FDPS: variants seen among roughly 807,000 people sequenced by gnomAD.
FDPS encodes the protein farnesyl diphosphate synthase, also known as farnesyl pyrophosphate synthase.
FDPS carries 29 observed loss-of-function variants against 49.5 expected under a neutral mutation model. The observed-to-expected ratio is 0.59, with a 90% CI of 0.44 to 0.80. The LOEUF is 0.80. Among genes scored for constraint, FDPS ranks in the 30% least tolerant of loss-of-function variants. The pLI, the probability that FDPS is intolerant of heterozygous loss-of-function variation, is 0.00. For missense variants in FDPS, 414 were observed against 525.6 expected, an observed-to-expected ratio of 0.79 and a Z score of 2.08; for synonymous variants, 172 against 206.4, an observed-to-expected ratio of 0.83 and a Z score of 1.43.
rs569029572 is a variant in FDPS at position 155,311,975 on chromosome 1, A to AAAAT, written c.340-256_340-253dup. ...TAACAGAGAGAGAATTCATCTCAAAAAAATAAATAAATAAATAAATAAATA... is the reference window on the plus strand; with the variant it reads ...TAACAGAGAGAGAATTCATCTCAAAAAAATAAATAAATAAATAAATAAATAAATA... On this transcript the variant is annotated intron_variant, in intron 3 of 10. Coordinates refer to ENST00000368356, the MANE Select transcript of FDPS (RefSeq NM_002004.4). Among the ~76,000 whole-genome samples, 1,109 of 152,028 alleles carry AAAAT rather than the reference A, an allele frequency of 7.3e-3. 5 individuals are homozygous for AAAAT. The highest frequency in any genetic ancestry group is 0.022 in the African/African-American group (930 of 41,390).
At chr1:155,315,567 C>T (rs779868145) in intron 4 of FDPS, among the ~76,000 whole-genome samples, 14 of 152,136 alleles carry the variant, frequency 9.2e-5, no homozygotes, top group Non-Finnish European at 1.9e-4. Context: ...CCTGTAGTCC[C>T]AGCTATTTGG....
intron 1 of FDPS, 149 bp from the exon 2 acceptor site, chr1:155,309,640 A>C (rs1648572396): frequency 1.6e-6 from 1 of 643,288 alleles, no homozygotes; most frequent in Non-Finnish European, 2.5e-6. Context: ...TCCTTCCTGT[A>C]ATTGTCCCCA....
At chr1:155,315,348 C>T (rs976563486) in intron 4 of FDPS, among the ~76,000 whole-genome samples, 2 of 151,410 alleles carry the variant, frequency 1.3e-5, no homozygotes, top group Admixed American at 1.3e-4. Flanking sequence ...AGTTCGAGAC[C>T]AGCCTGACCA....
Position 155,318,296 on chromosome 1 carries a change from A to C in FDPS, c.684+5A>C. ...CTGATCGAGCTCTTCCTGCAGGTGT[A>C]TTGCAGACAGGGCCCGATGCCCAGA... On this transcript the variant is annotated splice_donor_5th_base_variant and intron_variant, in intron 6 of 10. Transcript: ENST00000368356. The surrounding 1 kb of genome is among the most constrained non-coding windows in gnomAD (Gnocchi z 4.2). 6.2e-7 allele frequency: 1 copy of C among 1,610,256 alleles called. No homozygotes were observed. The highest frequency in any genetic ancestry group is 8.5e-7 in the Non-Finnish European group (1 of 1,179,984).
In FDPS at chr1:155,311,729, T is replaced by C. The variant is rs142797610; in HGVS notation, c.340-526T>C. 2.5e-3 allele frequency among the ~76,000 whole-genome samples: 386 copies of C among 152,214 alleles called. 1 individual carries two copies. The highest frequency in any genetic ancestry group is 8.9e-3 in the African/African-American group (369 of 41,514). On this transcript the variant is annotated intron_variant, in intron 3 of 10. Coordinates refer to ENST00000368356, the MANE Select transcript of FDPS (RefSeq NM_002004.4). ...CTGCACTATGGAGGTTTTAAATTTA[T>C]TGGGAGGCCAAGGCGGGTGGATGAC...
At position 155,320,519 on chromosome 1, in the gene FDPS, C is replaced by G. The variant is rs755095988; in HGVS notation, c.1170C>G (p.His390Gln). ...AATATGAGGAAGACAGTTACAGCCACATTATGGCTCTCATTGAACAGTACG... is the reference window on the plus strand; with the variant it reads ...AATATGAGGAAGACAGTTACAGCCAGATTATGGCTCTCATTGAACAGTACG... ...FLQYEEDSYS[H>Q]IMALIEQYAA... Residue 390 changes from histidine (H) to glutamine (Q), a missense_variant, in exon 11 of 11, where the codon CAC becomes CAG. Transcript: ENST00000368356. The G allele has an allele frequency of 6.2e-7, 1 of 1,614,126 alleles. No homozygotes were observed. The highest frequency in any genetic ancestry group is 1.1e-5 in the South Asian group (1 of 91,086).
chr1:155,318,535 G>A lies in FDPS; in HGVS notation c.685-130G>A. On this transcript the variant is annotated intron_variant, in intron 6 of 10. Transcript: ENST00000368356. This position sits in a 1 kb window ranked among gnomAD's most constrained non-coding sequence, Gnocchi z 4.2. ...ATGAATATGGGCCTTAAGTTTTGGG[G>A]CTTTCTCCCCTTCTGTTGCCTTTCT... is the stretch of plus-strand genomic sequence containing the variant. 1.2e-6 allele frequency: 1 copy of A among 855,110 alleles called. No homozygotes were observed. Among genetic ancestry groups the A allele is most frequent in the South Asian group, 1.5e-5 (1 of 68,802 alleles). The allele number at this position is 855,110 out of a possible 1,614,324, so 53.0% of individuals were successfully genotyped here.
chr1:155,310,252 C>T, intron 3 of FDPS, 47 bp downstream of exon 3: 1 of 1,592,094 alleles, frequency 6.3e-7, no homozygotes. Context: ...TTCAGTTGCT[C>T]TGTACCTGTG....
chr1:155,319,756 A>C, intron 9 of FDPS, 38 bp from the exon 10 acceptor site: 1 of 1,614,048 alleles, frequency 6.2e-7, no homozygotes, highest in African/African-American at 1.3e-5. Flanking sequence ...CAGGAACCTC[A>C]TCCTTCCTCT....
chr1:155,319,514 T>G, intron 8 of FDPS, 97 bp from the exon 9 acceptor site: 1 of 1,237,872 alleles, frequency 8.1e-7, no homozygotes, highest in Non-Finnish European at 1.2e-6. Context: ...AGAGGAAAGA[T>G]TTGGGGCTGC....
At chr1:155,317,850 A>G in intron 4 of FDPS, 91 bp from the exon 5 acceptor site, 1 of 1,189,320 alleles carries the variant, frequency 8.4e-7, no homozygotes, top group South Asian at 1.4e-5. Context: ...AAAAAAAAGC[A>G]AAACTATATA....
chr1:155,320,142 TC>T, intron 10 of FDPS: 3 of 657,088 alleles, frequency 4.6e-6, no homozygotes, highest in South Asian at 2.0e-5. Flanking sequence ...ACAGAACAGC[TC>T]CCCCAGACAG....
chr1:155,319,445 T>C (rs1171148725), intron 8 of FDPS, among the ~76,000 whole-genome samples, 166 bp from the exon 9 acceptor site: 2 of 152,096 alleles, frequency 1.3e-5, no homozygotes, highest in Non-Finnish European at 2.9e-5. Flanking sequence ...ATAAGTGGGA[T>C]TGAGGTTGGA....
chr1:155,309,965 G>T lies in FDPS; in HGVS notation c.176G>T (p.Arg59Leu). ...CWCQAWTEEP[R>L]ALCSSLRMNG... ...TGCCAAGCGTGGACAGAGGAACCTCGGTGAGTGTGGTTGGGGTGAGGGGCC... is the reference window on the plus strand; with the variant it reads ...TGCCAAGCGTGGACAGAGGAACCTCTGTGAGTGTGGTTGGGGTGAGGGGCC... The change falls in exon 2 of 11, where the codon CGA becomes CTA. Residue 59 changes from arginine to leucine, a missense_variant and splice_region_variant. Physicochemically the swap from Arg to Leu is moderately radical, Grantham distance 102. Coordinates refer to ENST00000368356, the MANE Select transcript of FDPS (RefSeq NM_002004.4). The T allele has an allele frequency of 1.2e-6, 2 of 1,608,088 alleles. No individual in the cohort carries two copies. The highest frequency in any genetic ancestry group is 1.3e-5 in the African/African-American group (1 of 74,958).
intron 4 of FDPS, 52 bp from the exon 5 acceptor site, chr1:155,317,889 A>G: frequency 6.6e-7 from 1 of 1,514,516 alleles, no homozygotes; most frequent in Non-Finnish European, 9.1e-7. Context: ...TCTGTTGCTG[A>G]TAGAAGGAAC....
At chr1:155,312,429 C>T in intron 4 of FDPS, 34 bp downstream of exon 4, 1 of 1,598,248 alleles carries the variant, frequency 6.3e-7, no homozygotes, top group Non-Finnish European at 8.6e-7. Flanking sequence ...AAGAAGTTTC[C>T]TGCAATGGTG....
chr1:155,309,361 C>G (rs1648538461), intron 1 of FDPS: 1 of 154,808 alleles, frequency 6.5e-6, no homozygotes, highest in Non-Finnish European at 1.4e-5. Context: ...CCCTGGGCAC[C>G]CCTCTCCACT....
Position 155,319,921 on chromosome 1 carries a change from TC to T in FDPS, c.1054del (p.Leu352Ter). On this transcript the variant is annotated frameshift_variant, in exon 10 of 11. Coordinates refer to ENST00000368356, the MANE Select transcript of FDPS (RefSeq NM_002004.4). LOFTEE classifies it low-confidence loss of function (END_TRUNC). The stretch of plus-strand genomic sequence containing the variant: ...CGGGCCACTCCAGAACAGTACCAGA[TC>T]CTGAAGGTGCCTGAGAGAGGGTGGT... ...LQRATPEQYQ[I>X]LKENYGQKEA... The T allele has an allele frequency of 6.2e-7, 1 of 1,613,938 alleles. No individual in the cohort carries two copies. Among genetic ancestry groups the T allele is most frequent in the Non-Finnish European group, 8.5e-7 (1 of 1,179,858 alleles).
Position 155,312,245 on chromosome 1 carries a change from T to G in FDPS, c.340-10T>G, listed in dbSNP as rs770279503. 3.1e-6 allele frequency: 5 copies of G among 1,613,520 alleles called. No individual in the cohort carries two copies. In the East Asian group the frequency reaches 1.1e-4, roughly 36 times the overall value. ...CCCTGATACCCTGTACCTCTTTCCT[T>G]GCCCTCCAGGTCCTGGAGTACAATG... is the stretch of plus-strand genomic sequence containing the variant. On this transcript the variant is annotated splice_polypyrimidine_tract_variant and intron_variant, in intron 3 of 10. Transcript: ENST00000368356.
Sources: gnomAD v4.1 joint callset for allele counts (sites outside exome capture counted in the v4.1 genomes callset) on GRCh38, gnomAD v4.1.1 for gene constraint, Gnocchi (gnomAD v3.1) non-coding constraint, MANE v1.5 for transcripts, NCBI Gene and HGNC (gene_info 2026-07-23, HGNC 2026-07-21) for gene names.